The following WDFY1 variants were observed in gnomAD, a reference collection of about 807,000 sequenced individuals.
The protein encoded by WDFY1 is WD repeat and FYVE domain-containing protein 1.
WDFY1 carries 32 observed loss-of-function variants against 56.4 expected under a neutral mutation model. The ratio of observed to expected loss-of-function variants is 0.57; its 90% CI spans 0.43 to 0.76. The LOEUF (loss-of-function observed/expected upper bound fraction) is 0.76, where lower values mean the gene tolerates loss of function less well. Among genes scored for constraint, WDFY1 ranks in the 30% least tolerant of loss-of-function variants. WDFY1 has a pLI of 0.00. For synonymous variants in WDFY1, 192 were observed against 197.3 expected, an observed-to-expected ratio of 0.97 and a Z score of 0.23; for missense variants, 480 against 545.7, an observed-to-expected ratio of 0.88 and a Z score of 1.20.
chr2:223,885,804 C>A (rs1693164390), intron 8 of WDFY1, among the ~76,000 whole-genome samples: 1 of 152,038 alleles, frequency 6.6e-6, no homozygotes, highest in Admixed American at 6.6e-5. Context: ...GGCAGATTTG[C>A]CCCCCTTCCC....
In WDFY1 at chr2:223,945,314, G is replaced by T. The variant is rs200521814; in HGVS notation, c.-30C>A. On this transcript the variant is annotated 5_prime_UTR_variant, in exon 1 of 12. Transcript: ENST00000233055. ...GCGCGGCGACTGCTGCGGCCTCCTC[G>T]GCAGGCAGCCCATCAGCTGACGCCT... The T allele has an allele frequency of 3.9e-6, 6 of 1,550,050 alleles. No homozygotes were observed. Among genetic ancestry groups the T allele is most frequent in the Non-Finnish European group, 5.2e-6 (6 of 1,156,984 alleles).
At chr2:223,931,690 T>C (rs10177718) in intron 1 of WDFY1, among the ~76,000 whole-genome samples, 296 of 7,976 alleles carry the variant, frequency 0.037, 2 homozygotes, top group Middle Eastern at 0.2. Flanking sequence ...TTCTTTCTTT[T>C]TTTTTTTTTT....
At chr2:223,917,022 C>T (rs545408124) in intron 2 of WDFY1, among the ~76,000 whole-genome samples, 3 of 152,156 alleles carry the variant, frequency 2.0e-5, no homozygotes, top group Non-Finnish European at 2.9e-5. Flanking sequence ...TCATGTTGGC[C>T]AGGCTGGTCT....
intron 11 of WDFY1, 24 bp downstream of exon 11, chr2:223,880,100 C>T: frequency 6.3e-7 from 1 of 1,596,642 alleles, no homozygotes; most frequent in Non-Finnish European, 8.6e-7. Context: ...AACTGAGATG[C>T]TGACAGACAA....
At chr2:223,924,562 C>A (rs1693948187) in intron 1 of WDFY1, among the ~76,000 whole-genome samples, 1 of 152,118 alleles carries the variant, frequency 6.6e-6, no homozygotes, top group Admixed American at 6.5e-5. Context: ...CAGGGTTTCA[C>A]CATGTTGGCC....
At chr2:223,909,834 G>A (rs181812613) in intron 3 of WDFY1, among the ~76,000 whole-genome samples, 1,834 of 152,204 alleles carry the variant, frequency 0.012, 28 homozygotes, top group Non-Finnish European at 0.015. Flanking sequence ...TTCTCCCACC[G>A]CCACTCTGGC....
chr2:223,906,949 T>C (rs1206854427), intron 3 of WDFY1, among the ~76,000 whole-genome samples: 11 of 80,630 alleles, frequency 1.4e-4, no homozygotes, highest in South Asian at 4.4e-4. Flanking sequence ...CACGAATTAC[T>C]ACTACCATTA....
intron 1 of WDFY1, among the ~76,000 whole-genome samples, chr2:223,931,731 G>A (rs1002392634): frequency 1.3e-5 from 2 of 149,456 alleles, no homozygotes; most frequent in Admixed American, 6.7e-5. Context: ...CTGTTGCACA[G>A]GTTGGAGGCA....
rs558661403 is a variant in WDFY1 at position 223,903,872 on chromosome 2, G to T, written c.334+2075C>A. Among the ~76,000 whole-genome samples the T allele has an allele frequency of 6.3e-4, 96 of 151,894 alleles. 1 individual carries two copies. Among genetic ancestry groups the T allele is most frequent in the Admixed American group, 2.0e-3 (31 of 15,250 alleles). ...GCCCAGGCTGGTCTCAAACTCCTTGGCTTCTCAAAGTGCTAGGATTACAGG... is the reference window on the plus strand; with the variant it reads ...GCCCAGGCTGGTCTCAAACTCCTTGTCTTCTCAAAGTGCTAGGATTACAGG... On this transcript the variant is annotated intron_variant, in intron 4 of 11. Coordinates refer to ENST00000233055, the MANE Select transcript of WDFY1 (RefSeq NM_020830.5).
intron 1 of WDFY1, among the ~76,000 whole-genome samples, chr2:223,930,347 TGAGACG>T (rs1374107311): frequency 4.6e-5 from 7 of 152,230 alleles, no homozygotes; most frequent in Non-Finnish European, 8.8e-5. Context: ...GTTTTTGTTT[TGAGACG>T]GAGTCCGGTT....
At chr2:223,908,687 C>T (rs1352537083) in intron 3 of WDFY1, among the ~76,000 whole-genome samples, 2 of 152,188 alleles carry the variant, frequency 1.3e-5, no homozygotes, top group African/African-American at 4.8e-5. Context: ...TTTCCACTGA[C>T]GTCTATGTTC....
intron 1 of WDFY1, among the ~76,000 whole-genome samples, chr2:223,944,255 G>C (rs1233693707): frequency 6.6e-6 from 1 of 152,208 alleles, no homozygotes; most frequent in African/African-American, 2.4e-5. Context: ...GGGCACCAGG[G>C]TCCGCAGTGA....
chr2:223,909,480 T>A (rs148195036), intron 3 of WDFY1, among the ~76,000 whole-genome samples: 10 of 152,198 alleles, frequency 6.6e-5, no homozygotes, highest in African/African-American at 2.2e-4. Flanking sequence ...AATGACCTGA[T>A]GATGATGCCC....
chr2:223,933,798 CA>C (rs113051490), intron 1 of WDFY1, among the ~76,000 whole-genome samples: 125,607 of 149,258 alleles, frequency 0.84, 53,581 homozygotes, highest in Non-Finnish European at 0.93. Context: ...CCCATCTCTA[CA>C]AAAAAAAATC....
intron 6 of WDFY1, among the ~76,000 whole-genome samples, chr2:223,898,649 AC>A (rs906525815): frequency 3.9e-5 from 6 of 152,192 alleles, no homozygotes; most frequent in Middle Eastern, 3.4e-3. Context: ...CAAGTGGTAC[AC>A]CTAATTCGGC....
At chr2:223,899,376 A>G (rs1357436575) in intron 5 of WDFY1, 2 of 274,064 alleles carry the variant, frequency 7.3e-6, no homozygotes, top group Non-Finnish European at 1.4e-5. Flanking sequence ...GGCAATAAAA[A>G]AAGAGCTGGT....
In WDFY1 at chr2:223,884,630, T is replaced by G; in HGVS notation, c.933+18A>C. ...AATACACAATCAAGCCAGAGATGACTCGACAGTGGCTACTCACTTGTCTTA... is the reference window on the plus strand; with the variant it reads ...AATACACAATCAAGCCAGAGATGACGCGACAGTGGCTACTCACTTGTCTTA... On this transcript the variant is annotated intron_variant, in intron 9 of 11. Coordinates refer to ENST00000233055, the MANE Select transcript of WDFY1 (RefSeq NM_020830.5). 1.9e-6 allele frequency: 3 copies of G among 1,611,384 alleles called. No homozygotes were observed. The highest frequency in any genetic ancestry group is 2.5e-6 in the Non-Finnish European group (3 of 1,177,588).
intron 10 of WDFY1, among the ~76,000 whole-genome samples, chr2:223,881,588 G>A (rs994885779): frequency 2.0e-5 from 3 of 152,072 alleles, no homozygotes; most frequent in East Asian, 1.9e-4. Flanking sequence ...TCAGGAGTTC[G>A]AGACCAGCCT....
At chr2:223,945,082 G>T (rs977198463) in intron 1 of WDFY1, 66 bp downstream of exon 1, 64 of 1,491,414 alleles carry the variant, frequency 4.3e-5, no homozygotes, top group Admixed American at 6.5e-5. Flanking sequence ...CGGGGCCGCG[G>T]ACCCCACCGC....
Sources: allele counts gnomAD v4.1 joint callset (sites outside exome capture counted in the v4.1 genomes callset), GRCh38; gene constraint gnomAD v4.1.1; transcripts MANE v1.5; gene names NCBI Gene and HGNC (gene_info 2026-07-23, HGNC 2026-07-21).